The following SORCS3 variants were observed in gnomAD, a reference collection of about 807,000 sequenced individuals.
SORCS3 encodes the protein VPS10 domain-containing receptor SorCS3.
In SORCS3, 57 loss-of-function variants were observed where a neutral mutation model predicts 146.3. The observed-to-expected ratio is 0.39, with a 90% CI of 0.31 to 0.49. SORCS3 has a LOEUF of 0.49. Ranked by LOEUF, SORCS3 falls within the 20% of genes least tolerant of loss-of-function variation. SORCS3 has a pLI of 0.92. For synonymous variants in SORCS3, 653 were observed against 618.5 expected (o/e 1.06, Z -0.83); for missense variants, 1,341 against 1,575.5 (o/e 0.85, Z 2.52).
Position 105,252,774 on chromosome 10 carries a change from G to A in SORCS3, c.3106-1G>A. 6.2e-7 allele frequency: 1 copy of A among 1,613,906 alleles called. No homozygotes were observed. Among genetic ancestry groups the A allele is most frequent in the Non-Finnish European group, 8.5e-7 (1 of 1,179,882 alleles). ...CTCTCTTTGTCTGAACATCTTTGCA[G>A]GTAACCAGTGTCCCAGAGGACCAGA... On this transcript the variant is annotated splice_acceptor_variant, in intron 22 of 26. Coordinates refer to ENST00000369701, the MANE Select transcript of SORCS3 (RefSeq NM_014978.3). LOFTEE classifies it high-confidence loss of function.
intron 4 of SORCS3, among the ~76,000 whole-genome samples, chr10:104,993,746 T>G (rs2055008132): frequency 6.6e-6 from 1 of 152,186 alleles, no homozygotes; most frequent in South Asian, 2.1e-4. Context: ...CCCTTAGGTT[T>G]GCACAATGTT....
chr10:105,237,288 G>T (rs1393125981), intron 20 of SORCS3, among the ~76,000 whole-genome samples: 1 of 152,080 alleles, frequency 6.6e-6, no homozygotes, highest in Non-Finnish European at 1.5e-5. Context: ...ATTTCTTTGA[G>T]TCTCAGTTTT....
intron 6 of SORCS3, among the ~76,000 whole-genome samples, chr10:105,091,424 CTCCT>C (rs1229427551): frequency 2.2e-4 from 6 of 27,136 alleles, no homozygotes; most frequent in South Asian, 2.8e-3. Flanking sequence ...CCTTCCTTCC[CTCCT>C]TCCTTCCTTC....
chr10:105,108,003 G>A (rs1452639034), intron 7 of SORCS3, among the ~76,000 whole-genome samples: 2 of 151,688 alleles, frequency 1.3e-5, no homozygotes, highest in African/African-American at 4.8e-5. Flanking sequence ...GCAGCAAAAC[G>A]ATGCCCTAGA....
At chr10:104,727,860 A>G (rs1210623942) in intron 1 of SORCS3, among the ~76,000 whole-genome samples, 6 of 152,118 alleles carry the variant, frequency 3.9e-5, no homozygotes, top group Admixed American at 3.9e-4. Context: ...TCTAGGTTGC[A>G]TCCTTCTTAT....
intron 13 of SORCS3, among the ~76,000 whole-genome samples, chr10:105,168,337 T>C (rs558139614): frequency 1.4e-4 from 22 of 152,266 alleles, no homozygotes; most frequent in South Asian, 8.3e-4. Flanking sequence ...ATGATGATGA[T>C]GACGACGATG....
At chr10:104,887,781 C>T (rs566732736) in intron 2 of SORCS3, among the ~76,000 whole-genome samples, 1 of 152,290 alleles carries the variant, frequency 6.6e-6, no homozygotes, top group Non-Finnish European at 1.5e-5. Flanking sequence ...CTTTGTTGTT[C>T]TACTTATGCT....
chr10:105,252,689 A>G, intron 22 of SORCS3, 86 bp from the exon 23 acceptor site: 1 of 1,541,680 alleles, frequency 6.5e-7, no homozygotes, highest in Non-Finnish European at 8.8e-7. Flanking sequence ...CACATGAGCC[A>G]TCTGGCTGTG....
At chr10:105,109,983 G>A (rs73352284) in intron 7 of SORCS3, among the ~76,000 whole-genome samples, 17,089 of 151,094 alleles carry the variant, frequency 0.11, 1,059 homozygotes, top group East Asian at 0.17. Flanking sequence ...TTTCAGTTTT[G>A]TAGTTTTGGT....
intron 4 of SORCS3, among the ~76,000 whole-genome samples, chr10:105,025,564 T>A (rs1403626003): frequency 6.6e-6 from 1 of 152,174 alleles, no homozygotes; most frequent in Non-Finnish European, 1.5e-5. Context: ...GGAGTTTCTG[T>A]ACACTGGGAT....
At chr10:105,150,357 C>T (rs1171547380) in intron 9 of SORCS3, among the ~76,000 whole-genome samples, 1 of 152,124 alleles carries the variant, frequency 6.6e-6, no homozygotes, top group Admixed American at 6.6e-5. Flanking sequence ...CTTATGGAAG[C>T]CTGTTCCTAT....
intron 5 of SORCS3, among the ~76,000 whole-genome samples, chr10:105,047,124 T>C (rs1439571805): frequency 1.3e-5 from 2 of 151,894 alleles, no homozygotes; most frequent in African/African-American, 4.8e-5. Context: ...GCAGGCATAT[T>C]CTGCAGTGGG....
At chr10:105,170,182 G>T (rs1002738664) in intron 13 of SORCS3, among the ~76,000 whole-genome samples, 1 of 152,064 alleles carries the variant, frequency 6.6e-6, no homozygotes, top group East Asian at 1.9e-4. Flanking sequence ...ACATCTAACC[G>T]TCCAGTCTGA....
chr10:105,231,576 C>T (rs959220287), intron 20 of SORCS3, among the ~76,000 whole-genome samples: 2 of 152,192 alleles, frequency 1.3e-5, no homozygotes, highest in Admixed American at 6.5e-5. Context: ...TGAGAGGGAA[C>T]GTCCTTGCTT....
At chr10:105,033,383 C>T (rs957700682) in intron 4 of SORCS3, among the ~76,000 whole-genome samples, 3 of 152,152 alleles carry the variant, frequency 2.0e-5, no homozygotes, top group Non-Finnish European at 4.4e-5. Context: ...GCTGTGTGAC[C>T]CTAGGCAAGT....
chr10:105,041,039 AG>A (rs1424801572), intron 4 of SORCS3, among the ~76,000 whole-genome samples: 3 of 145,966 alleles, frequency 2.1e-5, no homozygotes, highest in African/African-American at 7.6e-5. Flanking sequence ...ATACATTTTT[AG>A]CATATATATA....
intron 2 of SORCS3, among the ~76,000 whole-genome samples, chr10:104,845,030 C>T (rs1008514036): frequency 6.6e-6 from 1 of 152,138 alleles, no homozygotes; most frequent in Non-Finnish European, 1.5e-5. Context: ...ATTTTACTTG[C>T]TATTCCTCCA....
chr10:105,046,113 GA>G (rs1185890410), intron 5 of SORCS3, among the ~76,000 whole-genome samples: 2 of 152,224 alleles, frequency 1.3e-5, no homozygotes, highest in African/African-American at 4.8e-5. Context: ...GTAGAGGGAA[GA>G]GGTATTGAGG....
intron 1 of SORCS3, among the ~76,000 whole-genome samples, chr10:104,648,936 G>C (rs887132825): frequency 5.9e-5 from 9 of 152,142 alleles, no homozygotes; most frequent in Non-Finnish European, 8.8e-5. Flanking sequence ...GGGCCAGCAG[G>C]GTTCTTGGTC....
Sources: allele counts gnomAD v4.1 joint callset (sites outside exome capture counted in the v4.1 genomes callset), GRCh38; gene constraint gnomAD v4.1.1; transcripts MANE v1.5; gene names NCBI Gene and HGNC (gene_info 2026-07-23, HGNC 2026-07-21).